The following LINGO2 variants were observed in gnomAD, a reference collection of about 807,000 sequenced individuals.
The protein encoded by LINGO2 is leucine rich repeat and Ig domain containing 2.
A neutral mutation model predicts 30.6 loss-of-function variants in LINGO2; 14 were observed. That is an observed-to-expected ratio of 0.46 (90% CI 0.30 to 0.72). LINGO2 has a LOEUF of 0.72. Ranked by LOEUF, LINGO2 falls within the 30% of genes least tolerant of loss-of-function variation. The probability of loss-of-function intolerance (pLI) is 0.07; values close to 1 mark genes in which losing one functional copy is unlikely to be tolerated. For synonymous variants in LINGO2, 317 were observed against 288.5 expected (o/e 1.10, Z -1.00); for missense variants, 729 against 751.7 (o/e 0.97, Z 0.35).
intron 3 of LINGO2, among the ~76,000 whole-genome samples, chr9:28,355,354 T>C (rs1194510985): frequency 3.1e-5 from 4 of 130,900 alleles, no homozygotes; most frequent in East Asian, 2.4e-4. Context: ...TCTCTCTCTC[T>C]CCCTCCCTCT....
intron 4 of LINGO2, among the ~76,000 whole-genome samples, chr9:28,199,998 A>G (rs1234467968): frequency 4.9e-4 from 7 of 14,244 alleles, no homozygotes; most frequent in African/African-American, 8.0e-4. Context: ...TTCATTTAGG[A>G]AAAAAAAAAA....
the LINGO2 span, among the ~76,000 whole-genome samples, chr9:28,939,872 T>C: frequency 6.6e-6 from 1 of 152,202 alleles, no homozygotes; most frequent in East Asian, 1.9e-4. Flanking sequence ...TGTAGTCCTC[T>C]ATTACCCACT....
chr9:28,976,850 G>T, the LINGO2 span, among the ~76,000 whole-genome samples: 1 of 151,902 alleles, frequency 6.6e-6, no homozygotes, highest in African/African-American at 2.4e-5. Context: ...GAATGAAATG[G>T]TCTATCAGTT....
At chr9:28,812,008 T>C in the LINGO2 span, among the ~76,000 whole-genome samples, 8 of 152,200 alleles carry the variant, frequency 5.3e-5, 1 homozygote, top group South Asian at 1.5e-3. Context: ...ACATTTAATA[T>C]AAAATCAATT....
chr9:28,946,226 A>G, the LINGO2 span, among the ~76,000 whole-genome samples: 3 of 152,186 alleles, frequency 2.0e-5, no homozygotes, highest in African/African-American at 7.2e-5. Context: ...CACTACTTCA[A>G]AGTAGGTAAA....
At chr9:28,966,804 A>T in the LINGO2 span, among the ~76,000 whole-genome samples, 6 of 152,142 alleles carry the variant, frequency 3.9e-5, no homozygotes, top group African/African-American at 1.4e-4. Flanking sequence ...TTCTTTAAAC[A>T]ACAGTTAAAA....
the LINGO2 span, among the ~76,000 whole-genome samples, chr9:28,988,450 G>C: frequency 1.3e-5 from 2 of 152,068 alleles, no homozygotes; most frequent in Non-Finnish European, 2.9e-5. Context: ...GTATTAGGCA[G>C]CATATAGTGG....
At chr9:28,981,564 G>T in the LINGO2 span, among the ~76,000 whole-genome samples, 1 of 152,064 alleles carries the variant, frequency 6.6e-6, no homozygotes, top group Non-Finnish European at 1.5e-5. Flanking sequence ...CCCCTGTCTT[G>T]ACAAACTTAT....
rs140795063 is a variant in LINGO2, at chr9:28,269,901, T to C, written c.-87+25307A>G. On this transcript the variant is annotated intron_variant, in intron 4 of 5. Transcript: ENST00000379992. ...AGAGGACTTGCCCTCACAGAGCACA[T>C]AGTCCACAGAAGACAGGAAGGTCAA... 8.9e-4 allele frequency among the ~76,000 whole-genome samples: 135 copies of C among 152,084 alleles called. 1 individual carries two copies. Among genetic ancestry groups the C allele is most frequent in the African/African-American group, 2.5e-3 (105 of 41,516 alleles).
At chr9:28,734,166 T>C in the LINGO2 span, among the ~76,000 whole-genome samples, 1 of 152,102 alleles carries the variant, frequency 6.6e-6, no homozygotes, top group East Asian at 1.9e-4. Flanking sequence ...TAAAATATTA[T>C]TAAATAAAAT....
the LINGO2 span, among the ~76,000 whole-genome samples, chr9:28,926,662 G>A: frequency 2.0e-5 from 3 of 152,188 alleles, no homozygotes; most frequent in Admixed American, 6.5e-5. Flanking sequence ...TATGGTTAAC[G>A]TCTATTTTTA....
chr9:28,135,443 A>G (rs1029785883), intron 4 of LINGO2, among the ~76,000 whole-genome samples: 3 of 152,044 alleles, frequency 2.0e-5, no homozygotes, highest in African/African-American at 7.2e-5. Context: ...GACAACAGAA[A>G]TGAGAAAAAT....
At chr9:29,018,029 T>TAG in the LINGO2 span, among the ~76,000 whole-genome samples, 1 of 96,354 alleles carries the variant, frequency 1.0e-5, no homozygotes, top group Non-Finnish European at 2.3e-5. Flanking sequence ...TCTGCATATA[T>TAG]ATATATAGAG....
At chr9:28,807,968 T>C in the LINGO2 span, among the ~76,000 whole-genome samples, 16 of 152,096 alleles carry the variant, frequency 1.1e-4, no homozygotes, top group Non-Finnish European at 2.1e-4. Flanking sequence ...AATACAATGG[T>C]CTTACTGACC....
chr9:28,298,948 T>A (rs2134199129), intron 3 of LINGO2, among the ~76,000 whole-genome samples: 1 of 152,346 alleles, frequency 6.6e-6, no homozygotes, highest in East Asian at 1.9e-4. Context: ...TGGCCCTAAG[T>A]GCCAGTTGAA....
chr9:28,537,106 T>C (rs973390452), intron 1 of LINGO2, among the ~76,000 whole-genome samples: 2 of 152,000 alleles, frequency 1.3e-5, no homozygotes, highest in Admixed American at 6.6e-5. Flanking sequence ...CAGAAGACCA[T>C]ATACTCCAAA....
In LINGO2 at chr9:28,299,113, C is replaced by T. The variant is rs530936171; in HGVS notation, c.-245-3747G>A. ...ACTTGTTGACAAGTTGTTTTTTATA[C>T]GTTATCTCAGCTTCATCTTCCCCGT... is the stretch of plus-strand genomic sequence containing the variant. On this transcript the variant is annotated intron_variant, in intron 3 of 5. Coordinates refer to ENST00000379992, the Ensembl canonical transcript of LINGO2. Among the ~76,000 whole-genome samples, 70 of 152,204 alleles carry T rather than the reference C, an allele frequency of 4.6e-4. No individual in the cohort carries two copies. In the South Asian group the frequency reaches 0.014, roughly 30 times the overall value.
chr9:28,626,688 C>T (rs373115526), intron 1 of LINGO2, among the ~76,000 whole-genome samples: 15 of 152,116 alleles, frequency 9.9e-5, no homozygotes, highest in African/African-American at 2.2e-4. Flanking sequence ...ATCTTTTCAA[C>T]GTTTTTTCTC....
chr9:28,999,657 C>T, the LINGO2 span, among the ~76,000 whole-genome samples: 1 of 151,884 alleles, frequency 6.6e-6, no homozygotes. Context: ...CCTGCAAAAT[C>T]TATTTCTGAA....
Sources: allele counts gnomAD v4.1 joint callset (sites outside exome capture counted in the v4.1 genomes callset), GRCh38; gene constraint gnomAD v4.1.1; transcripts MANE v1.5; gene names NCBI Gene and HGNC (gene_info 2026-07-23, HGNC 2026-07-21).